ERBIN: variants seen among roughly 807,000 people sequenced by gnomAD.
ERBIN encodes the protein densin-180-like protein.
ERBIN carries 60 observed loss-of-function variants against 158.4 expected under a neutral mutation model. The ratio of observed to expected loss-of-function variants is 0.38; its 90% CI spans 0.31 to 0.47. The LOEUF (loss-of-function observed/expected upper bound fraction) is 0.47. ERBIN is among the 20% of genes least tolerant of loss of function. The pLI, the probability that ERBIN is intolerant of heterozygous loss-of-function variation, is 0.99. For missense variants in ERBIN, 1,610 were observed against 1,648.0 expected (o/e 0.98, Z 0.40); for synonymous variants, 594 against 557.2 (o/e 1.07, Z -0.93).
chr5:66,069,058 G>A, intron 21 of ERBIN: 1 of 1,427,724 alleles, frequency 7.0e-7, no homozygotes. Context: ...TTAGCTTGTA[G>A]AAGAGAAAAC....
At chr5:65,946,271 G>T (rs1745733633) in intron 1 of ERBIN, among the ~76,000 whole-genome samples, 1 of 152,050 alleles carries the variant, frequency 6.6e-6, no homozygotes, top group South Asian at 2.1e-4. Context: ...GGCTAAGATG[G>T]AGGTATTGCT....
intron 21 of ERBIN, among the ~76,000 whole-genome samples, chr5:66,061,223 G>T (rs954291255): frequency 2.0e-5 from 3 of 152,142 alleles, no homozygotes; most frequent in African/African-American, 7.2e-5. Flanking sequence ...ATGAATCTGG[G>T]TGCTCCTGTA....
chr5:65,994,810 C>G lies in ERBIN; in HGVS notation c.253C>G (p.Pro85Ala), dbSNP rs1364888433. 2.5e-6 allele frequency: 4 copies of G among 1,609,020 alleles called. No individual in the cohort carries two copies. The Admixed American group carries it at 5.1e-5, about 21-fold the overall frequency. ...SLPDNDLTTLPASIANLINLR... is the reference protein window; with the variant it reads ...SLPDNDLTTLAASIANLINLR... Reference sequence around the variant, plus strand: ...GCCAGACAATGATTTAACAACGTTACCAGCATCCATTGCAAACCTTATTAA... The same window carrying G: ...GCCAGACAATGATTTAACAACGTTAGCAGCATCCATTGCAAACCTTATTAA... Residue 85 changes from proline (P) to alanine (A), a missense_variant, in exon 4 of 26, where the codon CCA becomes GCA. By Grantham distance (27) the Pro-to-Ala change is conservative. Around this residue, in one of 2 missense-constraint regions of ERBIN, gnomAD observed 596 missense variants for 711.9 expected, o/e 0.84. Coordinates refer to ENST00000284037, the MANE Select transcript of ERBIN (RefSeq NM_001253697.2).
intron 1 of ERBIN, among the ~76,000 whole-genome samples, chr5:65,959,927 C>G (rs955710538): frequency 1.3e-5 from 2 of 152,168 alleles, no homozygotes; most frequent in African/African-American, 4.8e-5. Context: ...TTAACTGGAA[C>G]CTTCAAAAAG....
intron 1 of ERBIN, among the ~76,000 whole-genome samples, chr5:65,944,707 T>C (rs375112812): frequency 2.0e-5 from 3 of 152,206 alleles, no homozygotes; most frequent in Non-Finnish European, 4.4e-5. Context: ...GGCCTTATTA[T>C]GGTTTTGATT....
chr5:65,971,203 G>A (rs894695574), intron 1 of ERBIN, among the ~76,000 whole-genome samples: 1 of 151,096 alleles, frequency 6.6e-6, no homozygotes, highest in Admixed American at 6.6e-5. Flanking sequence ...GTGTCTAGAA[G>A]TGACTGTGAC....
intron 13 of ERBIN, 48 bp from the exon 14 acceptor site, chr5:66,028,226 A>T: frequency 1.4e-6 from 2 of 1,420,282 alleles, no homozygotes; most frequent in Non-Finnish European, 2.0e-6. Flanking sequence ...TTCATTTTAA[A>T]TCTTCTCATT....
intron 21 of ERBIN, chr5:66,055,218 C>A: frequency 1.6e-6 from 1 of 644,842 alleles, no homozygotes; most frequent in Non-Finnish European, 2.1e-6. Context: ...TGAGATTGTG[C>A]ACACATACTA....
At chr5:66,034,532 C>T (rs898974879) in intron 14 of ERBIN, among the ~76,000 whole-genome samples, 1 of 151,898 alleles carries the variant, frequency 6.6e-6, no homozygotes. Flanking sequence ...TGTGATCCAC[C>T]CACCTCGGCC....
At chr5:65,932,754 T>C (rs563247210) in intron 1 of ERBIN, among the ~76,000 whole-genome samples, 1 of 152,364 alleles carries the variant, frequency 6.6e-6, no homozygotes, top group East Asian at 1.9e-4. Context: ...TACTTGTTTT[T>C]GGAACAGAGT....
intron 1 of ERBIN, among the ~76,000 whole-genome samples, chr5:65,987,083 C>A (rs1270157415): frequency 6.6e-6 from 1 of 152,106 alleles, no homozygotes; most frequent in Non-Finnish European, 1.5e-5. Context: ...ATCAGGAAAG[C>A]AAATGTTTTT....
At chr5:66,000,118 A>G (rs1337771237) in intron 4 of ERBIN, among the ~76,000 whole-genome samples, 1 of 152,206 alleles carries the variant, frequency 6.6e-6, no homozygotes, top group African/African-American at 2.4e-5. Context: ...TTGTTAAGGT[A>G]TAAGGAAAGG....
chr5:65,957,707 C>T (rs1015275043), intron 1 of ERBIN, among the ~76,000 whole-genome samples: 14 of 152,252 alleles, frequency 9.2e-5, no homozygotes, highest in African/African-American at 2.9e-4. Flanking sequence ...GTCATCATGG[C>T]CCGTTCTCAA....
rs182018963 is a variant in ERBIN at position 66,028,144 on chromosome 5, C to T, written c.1137-130C>T. On this transcript the variant is annotated intron_variant, in intron 13 of 25. Transcript: ENST00000284037. Reference sequence around the variant, plus strand: ...ACGAAGAATTATATTGGACTTTTCTCGATTTTTTTTTCTCCTATTTTCATG... The same window carrying T: ...ACGAAGAATTATATTGGACTTTTCTTGATTTTTTTTTCTCCTATTTTCATG... The T allele has an allele frequency of 2.3e-3, 1,249 of 547,212 alleles. 24 individuals are homozygous for T. The highest frequency in any genetic ancestry group is 3.4e-4 in the Non-Finnish European group (109 of 316,536). 33.9% of individuals were successfully genotyped at this position (547,212 alleles called of 1,614,324 possible). A position where few individuals can be genotyped will look rare whatever the true frequency, so the allele number is the denominator to read the frequency against.
chr5:66,034,654 CAT>C (rs1401955544), intron 14 of ERBIN, among the ~76,000 whole-genome samples: 2 of 149,474 alleles, frequency 1.3e-5, no homozygotes, highest in African/African-American at 2.5e-5. Flanking sequence ...GTTTAGGAAA[CAT>C]AGAAGGATTT....
rs1424265767 is a variant in ERBIN at position 66,054,377 on chromosome 5, G to C, written c.3059G>C (p.Ser1020Thr). 8 of 1,614,112 alleles carry C rather than the reference G, an allele frequency of 5.0e-6. No individual in the cohort carries two copies. Among genetic ancestry groups the C allele is most frequent in the South Asian group, 2.2e-5 (2 of 91,074 alleles). Reference protein sequence around the residue: ...LPRSESTENQSYAKHSANMNF... With the variant: ...LPRSESTENQTYAKHSANMNF... ...AGATCAGAGAGCACAGAAAATCAAA[G>C]TTATGCTAAACATTCTGCCAATATG... Residue 1020 changes from serine (S) to threonine (T), a missense_variant, in exon 21 of 26, where the codon AGT becomes ACT. Physicochemically the swap from Ser to Thr is moderately conservative, Grantham distance 58. Transcript: ENST00000284037.
chr5:66,010,401 G>T (rs930000368), intron 4 of ERBIN, among the ~76,000 whole-genome samples: 6 of 152,250 alleles, frequency 3.9e-5, no homozygotes, highest in African/African-American at 1.4e-4. Context: ...TGAAGGTTAA[G>T]GTGGTGCTTG....
chr5:66,003,285 C>T (rs1266924767), intron 4 of ERBIN, among the ~76,000 whole-genome samples: 1 of 151,976 alleles, frequency 6.6e-6, no homozygotes. Flanking sequence ...TGCAGTTAAA[C>T]AGTTTGTGTT....
chr5:66,044,322 C>A lies in ERBIN; in HGVS notation c.1602+12C>A. On this transcript the variant is annotated intron_variant, in intron 17 of 25. Transcript: ENST00000284037. Reference sequence around the variant, plus strand: ...ATGTGGGTGTGAAGGTTAGAAAATTCAAAAGGATTAACCAAAGCCTATTTC... The same window carrying A: ...ATGTGGGTGTGAAGGTTAGAAAATTAAAAAGGATTAACCAAAGCCTATTTC... 1 of 1,574,812 alleles carries A rather than the reference C, an allele frequency of 6.3e-7. No individual in the cohort carries two copies. The highest frequency in any genetic ancestry group is 1.2e-5 in the South Asian group (1 of 83,470).
Sources: allele counts gnomAD v4.1 joint callset (sites outside exome capture counted in the v4.1 genomes callset), GRCh38; gene constraint gnomAD v4.1.1; regional missense constraint gnomAD v4.1.1; transcripts MANE v1.5; gene names NCBI Gene and HGNC (gene_info 2026-07-23, HGNC 2026-07-21).